The following FOXK1 variants were observed in gnomAD, a reference collection of about 807,000 sequenced individuals.
The protein encoded by FOXK1 is forkhead box K1.
Under a neutral mutation model 51.9 loss-of-function variants are expected in FOXK1, and 19 were observed. The ratio of observed to expected loss-of-function variants is 0.37; its 90% confidence interval spans 0.26 to 0.54. FOXK1 has a LOEUF of 0.54. FOXK1 is among the 20% of genes least tolerant of loss of function. FOXK1 has a pLI of 0.87. For missense variants in FOXK1, 870 were observed against 1,032.7 expected (o/e 0.84, Z 2.16); for synonymous variants, 537 against 482.6 (o/e 1.11, Z -1.48).
chr7:4,738,102 A>T (rs992231966), intron 1 of FOXK1, among the ~76,000 whole-genome samples: 4 of 149,764 alleles, frequency 2.7e-5, no homozygotes, highest in Non-Finnish European at 5.9e-5. Context: ...ACCCTGGGCA[A>T]TAAGAGCCAA....
chr7:4,755,096 TAG>T lies in FOXK1; in HGVS notation c.904-140_904-139del. The T allele has an allele frequency of 1.0e-6, 1 of 995,660 alleles. No homozygotes were observed. Among genetic ancestry groups the T allele is most frequent in the Non-Finnish European group, 1.4e-6 (1 of 695,366 alleles). The allele number at this position is 995,660 out of a possible 1,614,324, so 61.7% of individuals were successfully genotyped here. On this transcript the variant is annotated intron_variant, in intron 3 of 8. Coordinates refer to ENST00000328914, the MANE Select transcript of FOXK1 (RefSeq NM_001037165.2). The surrounding 1 kb of genome is among the most constrained non-coding windows in gnomAD (Gnocchi z 6.6). The stretch of plus-strand genomic sequence containing the variant: ...GTTGAATGCAAGCACATTAATGGGA[TAG>T]TTGGAGGGCACTGGGACGGGTGCCG...
At position 4,759,442 on chromosome 7, in the gene FOXK1, G is replaced by C. The variant is rs1780901623; in HGVS notation, c.1543G>C (p.Val515Leu). 2 of 1,594,602 alleles carry C rather than the reference G, an allele frequency of 1.3e-6. No homozygotes were observed. The highest frequency in any genetic ancestry group is 2.7e-5 in the African/African-American group (2 of 74,798). Residue 515 changes from valine to leucine, a missense_variant, in exon 7 of 9, where the codon GTC becomes CTC. By Grantham distance (32) the Val-to-Leu change is conservative (BLOSUM62 1). Transcript: ENST00000328914. ...SQQPAGHAIH[V>L]VQQAPTVTMV... Reference sequence around the variant, plus strand: ...GCAGCCCGCGGGCCACGCCATCCACGTCGTGCAGCAGGCCCCCACCGTCAC... The same window carrying C: ...GCAGCCCGCGGGCCACGCCATCCACCTCGTGCAGCAGGCCCCCACCGTCAC...
intron 5 of FOXK1, 39 bp from the exon 6 acceptor site, chr7:4,759,012 C>G: frequency 1.3e-6 from 2 of 1,546,578 alleles, no homozygotes; most frequent in Non-Finnish European, 1.7e-6. Flanking sequence ...CATCCCTCAG[C>G]GCGGGCGCTG....
In FOXK1 at chr7:4,733,928, C is replaced by T. The variant is rs1780514175; in HGVS notation, c.561-6910C>T. Among the ~76,000 whole-genome samples, 4 of 151,930 alleles carry T rather than the reference C, an allele frequency of 2.6e-5. No individual in the cohort carries two copies. Among genetic ancestry groups the T allele is most frequent in the Admixed American group, 6.5e-5 (1 of 15,274 alleles). On this transcript the variant is annotated intron_variant, in intron 1 of 8. Transcript: ENST00000328914. The surrounding 1 kb of genome is among the most constrained non-coding windows in gnomAD (Gnocchi z 5.0). ...GAAGCCACAGGGACCTCCCAGCACG[C>T]GCCAACCCTGGACTTCCCCCAGAGC...
intron 1 of FOXK1, among the ~76,000 whole-genome samples, chr7:4,691,583 A>C (rs531550730): frequency 2.6e-4 from 40 of 151,404 alleles, no homozygotes; most frequent in African/African-American, 9.7e-4. Context: ...TGATCCACCC[A>C]CCTCGGCCTC....
intron 5 of FOXK1, chr7:4,757,866 G>A (rs75915556): frequency 0.025 from 3,751 of 152,118 alleles, 154 homozygotes; most frequent in African/African-American, 0.085. Flanking sequence ...CTCAAGTACC[G>A]AGGGGTGACT....
At position 4,725,279 on chromosome 7, in the gene FOXK1, G is replaced by GCAC. The variant is rs565277852; in HGVS notation, c.561-15557_561-15555dup. Among the ~76,000 whole-genome samples the GCAC allele has an allele frequency of 1.5e-3, 227 of 152,376 alleles. 1 individual carries two copies. The highest frequency in any genetic ancestry group is 5.0e-3 in the African/African-American group (208 of 41,592). ...CCAGGTGGCCGGAACGCCCCTTGGA[G>GCAC]CACCGACGCCATCGGCTCCGGGAAA... On this transcript the variant is annotated intron_variant, in intron 1 of 8. Coordinates refer to ENST00000328914, the MANE Select transcript of FOXK1 (RefSeq NM_001037165.2).
At chr7:4,697,106 G>C (rs1383378306) in intron 1 of FOXK1, among the ~76,000 whole-genome samples, 1 of 152,172 alleles carries the variant, frequency 6.6e-6, no homozygotes, top group Non-Finnish European at 1.5e-5. Flanking sequence ...CTTAAGGTGT[G>C]ATTCAGGGAC....
chr7:4,702,948 T>C (rs763614767), intron 1 of FOXK1, among the ~76,000 whole-genome samples: 1 of 152,138 alleles, frequency 6.6e-6, no homozygotes, highest in Non-Finnish European at 1.5e-5. Context: ...TGGGTTCCTT[T>C]GTCCTCGTCC....
chr7:4,708,846 CCTGAGG>C (rs1387301890), intron 1 of FOXK1, among the ~76,000 whole-genome samples: 2 of 152,098 alleles, frequency 1.3e-5, no homozygotes, highest in Non-Finnish European at 2.9e-5. Flanking sequence ...GGGCGGATCA[CCTGAGG>C]TCAGGAGTTC....
chr7:4,762,227 A>T lies in FOXK1; in HGVS notation c.1965A>T (p.Ser655=). ...AGCTCCTTGCGACCCAAGCGAGTTC[A>T]TCCGCGCCGGTGGTGGTCACCCGGG... The part of the protein sequence containing the change: ...PLQLLATQAS[S]SAPVVVTRVC... Residue 655 remains serine, a synonymous_variant, in exon 9 of 9, where the codon TCA becomes TCT. Transcript: ENST00000328914. This position sits in a 1 kb window ranked among gnomAD's most constrained non-coding sequence, Gnocchi z 5.7. The T allele has an allele frequency of 6.4e-7, 1 of 1,555,002 alleles. No individual in the cohort carries two copies. Among genetic ancestry groups the T allele is most frequent in the Non-Finnish European group, 8.7e-7 (1 of 1,148,750 alleles).
intron 2 of FOXK1, among the ~76,000 whole-genome samples, chr7:4,746,207 C>A (rs1012401919): frequency 6.6e-6 from 1 of 152,228 alleles, no homozygotes; most frequent in African/African-American, 2.4e-5. Context: ...CAACTGACTT[C>A]AAAATCTTTC....
At chr7:4,741,044 C>G (rs940206622) in intron 2 of FOXK1, 21 bp downstream of exon 2, 14 of 1,472,062 alleles carry the variant, frequency 9.5e-6, no homozygotes, top group Non-Finnish European at 1.3e-5. Flanking sequence ...CCCCAGCCTG[C>G]CCTTGGGCCC....
At chr7:4,689,548 A>T (rs1446865205) in intron 1 of FOXK1, among the ~76,000 whole-genome samples, 1 of 152,202 alleles carries the variant, frequency 6.6e-6, no homozygotes, top group African/African-American at 2.4e-5. Flanking sequence ...GCCACCCTGG[A>T]ACCTTGTTAC....
At chr7:4,742,976 G>A (rs1025168747) in intron 2 of FOXK1, among the ~76,000 whole-genome samples, 2 of 152,180 alleles carry the variant, frequency 1.3e-5, no homozygotes, top group African/African-American at 2.4e-5. Flanking sequence ...GAGGCCCCGG[G>A]CTCAGGCCGG....
rs1437606318 is a variant in FOXK1 at position 4,707,198 on chromosome 7, A to G, written c.560+24330A>G. On this transcript the variant is annotated intron_variant, in intron 1 of 8. Coordinates refer to ENST00000328914, the MANE Select transcript of FOXK1 (RefSeq NM_001037165.2). This position sits in a 1 kb window ranked among gnomAD's most constrained non-coding sequence, Gnocchi z 4.1. ...GTGCGGTGGACACAGACATTGCCCA[A>G]ACACTAACGGAGAGGGAAGAGGTGC... Among the ~76,000 whole-genome samples, 1 of 152,076 alleles carries G rather than the reference A, an allele frequency of 6.6e-6. No homozygotes were observed. Among genetic ancestry groups the G allele is most frequent in the African/African-American group, 2.4e-5 (1 of 41,410 alleles).
Position 4,761,425 on chromosome 7 carries a change from G to GT in FOXK1, c.1921+137_1921+138insT. On this transcript the variant is annotated intron_variant, in intron 8 of 8. Transcript: ENST00000328914. This position sits in a 1 kb window ranked among gnomAD's most constrained non-coding sequence, Gnocchi z 6.2. ...TTTATTGAGCACCTGCTATACTCCAGGCACTGGGGTAATGCAAAGAAAAAG... is the reference window on the plus strand; with the variant it reads ...TTTATTGAGCACCTGCTATACTCCAGTGCACTGGGGTAATGCAAAGAAAAAG... 5.4e-6 allele frequency: 5 copies of GT among 927,332 alleles called. No individual in the cohort carries two copies. Among genetic ancestry groups the GT allele is most frequent in the Non-Finnish European group, 6.5e-6 (4 of 615,682 alleles). The allele number at this position is 927,332 out of a possible 1,614,324, so 57.4% of individuals were successfully genotyped here.
rs747868947 is a variant in FOXK1 at position 4,759,539 on chromosome 7, G to C, written c.1640G>C (p.Gly547Ala). 1.3e-6 allele frequency: 2 copies of C among 1,557,338 alleles called. No homozygotes were observed. Among genetic ancestry groups the C allele is most frequent in the South Asian group, 2.3e-5 (2 of 85,558 alleles). Residue 547 changes from glycine to alanine, a missense_variant, in exon 7 of 9, where the codon GGG becomes GCG. Gly to Ala is a moderately conservative substitution (Grantham distance 60, BLOSUM62 0). Coordinates refer to ENST00000328914, the MANE Select transcript of FOXK1 (RefSeq NM_001037165.2). Reference protein sequence around the residue: ...GYILTSQGAAGGSHDAAGAAV... With the variant: ...GYILTSQGAAAGSHDAAGAAV... The stretch of plus-strand genomic sequence containing the variant: ...ATCCTCACCAGCCAGGGCGCGGCGG[G>C]GGGCTCCCATGATGCGGCGGGCGCA...
intron 1 of FOXK1, among the ~76,000 whole-genome samples, chr7:4,689,985 G>A (rs1779871844): frequency 6.6e-6 from 1 of 152,214 alleles, no homozygotes; most frequent in Admixed American, 6.5e-5. Context: ...CCAGCGAGTA[G>A]ACGTGAAAAC....
Sources: allele counts gnomAD v4.1 joint callset (sites outside exome capture counted in the v4.1 genomes callset), GRCh38; gene constraint gnomAD v4.1.1; non-coding constraint Gnocchi (gnomAD v3.1); transcripts MANE v1.5; gene names NCBI Gene and HGNC (gene_info 2026-07-23, HGNC 2026-07-21).